Variants in EIF1AX observed in about 807,000 individuals in gnomAD.
The protein encoded by EIF1AX is eukaryotic translation initiation factor 1A X-linked.
A neutral mutation model predicts 16.1 loss-of-function variants in EIF1AX; 1 was observed. The ratio of observed to expected loss-of-function variants is 0.06; its 90% CI spans 0.02 to 0.30. The LOEUF is 0.30. Ranked by LOEUF, EIF1AX falls within the 10% of genes least tolerant of loss-of-function variation. EIF1AX has a pLI of 1.00. For missense variants in EIF1AX, 11 were observed against 109.1 expected, an observed-to-expected ratio of 0.10 and a Z score of 4.00; for synonymous variants, 32 against 37.3, an observed-to-expected ratio of 0.86 and a Z score of 0.51.
intron 4 of EIF1AX, among the ~76,000 whole-genome samples, chrX:20,133,444 G>A (rs1471482593): frequency 9.0e-6 from 1 of 110,535 alleles, no homozygotes; most frequent in Non-Finnish European, 1.9e-5. Context: ...AATGTCCCTC[G>A]GAGGGCAAAA....
intron 2 of EIF1AX, 190 bp from the exon 3 acceptor site, chrX:20,136,031 T>A (rs767213109): frequency 4.5e-5 from 18 of 401,406 alleles, no homozygotes; most frequent in African/African-American, 7.7e-5. Context: ...GAACTAAGAC[T>A]CTATGATGAC....
intron 2 of EIF1AX, 97 bp downstream of exon 2, chrX:20,138,442 C>T (rs887413946): frequency 5.6e-6 from 4 of 713,294 alleles, no homozygotes; most frequent in Non-Finnish European, 8.8e-6. Flanking sequence ...ACACTTCACC[C>T]TGGGCGATGG....
At chrX:20,141,270 G>C (rs1047834479) in intron 1 of EIF1AX, among the ~76,000 whole-genome samples, 2 of 111,683 alleles carry the variant, frequency 1.8e-5, no homozygotes, top group African/African-American at 6.5e-5. Flanking sequence ...TCATGCCCGG[G>C]AAGGCCAAAG....
intron 1 of EIF1AX, 26 bp downstream of exon 1, chrX:20,141,599 T>G: frequency 8.7e-7 from 1 of 1,152,461 alleles, no homozygotes; most frequent in Non-Finnish European, 1.2e-6. Context: ...AGCAGAGCCG[T>G]GGTCCGGGGG....
chrX:20,136,976 TG>T (rs199855256), intron 2 of EIF1AX, among the ~76,000 whole-genome samples: 1,322 of 111,497 alleles, frequency 0.012, 25 homozygotes, highest in African/African-American at 0.041. Flanking sequence ...TGGAAATAAT[TG>T]GAATACCTGA....
rs1722212197 is a variant in EIF1AX, at chrX:20,132,278, A to G, written c.256-15T>C. The G allele has an allele frequency of 9.3e-7, 1 of 1,073,548 alleles. No homozygotes were observed. The highest frequency in any genetic ancestry group is 1.3e-6 in the Non-Finnish European group (1 of 781,921). 88.5% of individuals were successfully genotyped at this position (1,073,548 alleles called of 1,213,427 possible). ...GCTTTGTTATCCTTAAATAGAGACA[A>G]ATAACTTTAAAAAACTGATCATAAC... is the stretch of plus-strand genomic sequence containing the variant. On this transcript the variant is annotated splice_polypyrimidine_tract_variant and intron_variant, in intron 4 of 6. Coordinates refer to ENST00000379607, the MANE Select transcript of EIF1AX (RefSeq NM_001412.4).
At chrX:20,130,001 A>G (rs771578633) in intron 6 of EIF1AX, among the ~76,000 whole-genome samples, 8 of 111,667 alleles carry the variant, frequency 7.2e-5, no homozygotes, top group South Asian at 3.8e-4. Flanking sequence ...GAAGAGGGTT[A>G]TAAGAATTCT....
At chrX:20,141,156 C>A (rs2067032762) in intron 1 of EIF1AX, among the ~76,000 whole-genome samples, 1 of 111,789 alleles carries the variant, frequency 8.9e-6, no homozygotes, top group Non-Finnish European at 1.9e-5. Context: ...GTAGCCTCAA[C>A]AATACTGAAC....
intron 1 of EIF1AX, among the ~76,000 whole-genome samples, chrX:20,141,170 C>T (rs2067032814): frequency 9.0e-6 from 1 of 111,602 alleles, no homozygotes; most frequent in African/African-American, 3.3e-5. Flanking sequence ...ACTGAACTGT[C>T]CATAAAGAAA....
intron 5 of EIF1AX, among the ~76,000 whole-genome samples, chrX:20,131,684 T>G (rs1465862945): frequency 3.7e-5 from 4 of 107,090 alleles, no homozygotes; most frequent in Non-Finnish European, 7.7e-5. Context: ...TCATGGTTTT[T>G]TTTTTTTTTT....
At chrX:20,134,581 T>C (rs1436555825) in intron 3 of EIF1AX, among the ~76,000 whole-genome samples, 1 of 108,817 alleles carries the variant, frequency 9.2e-6, no homozygotes, top group Non-Finnish European at 1.9e-5. Context: ...TTACTAAAAA[T>C]ACAAAAATTA....
At chrX:20,132,337 T>C (rs1209803270) in intron 4 of EIF1AX, 74 bp from the exon 5 acceptor site, 4 of 660,879 alleles carry the variant, frequency 6.1e-6, no homozygotes, top group East Asian at 3.5e-5. Flanking sequence ...AATTCTCATA[T>C]TGAATAAACA....
intron 2 of EIF1AX, chrX:20,136,157 G>C: frequency 7.0e-6 from 2 of 284,266 alleles, no homozygotes; most frequent in Non-Finnish European, 1.3e-5. Flanking sequence ...GGCTTTCATA[G>C]ACATACATAT....
chrX:20,135,738 C>T lies in EIF1AX; in HGVS notation c.204G>A (p.Lys68=). The change falls in exon 3 of 7, where the codon AAG becomes AAA. Residue 68 remains lysine (K), a splice_region_variant and synonymous_variant. Coordinates refer to ENST00000379607, the MANE Select transcript of EIF1AX (RefSeq NM_001412.4). ...TTAAAGTAAAACAAATCACACCTAC[C>T]TTTTTTCTCAATTTTCCTCTGATGT... ...LCHIRGKLRK[K]VWINTSDIIL... 8.5e-7 allele frequency: 1 copy of T among 1,183,324 alleles called. No homozygotes were observed. The highest frequency in any genetic ancestry group is 1.7e-5 in the African/African-American group (1 of 57,179).
In EIF1AX at chrX:20,132,265, TTAAA is replaced by T. The variant is rs893782609; in HGVS notation, c.256-6_256-3del. 5.2e-6 allele frequency: 6 copies of T among 1,145,138 alleles called. No individual in the cohort carries two copies. The highest frequency in any genetic ancestry group is 5.9e-6 in the Non-Finnish European group (5 of 844,397). 94.4% of individuals were successfully genotyped at this position (1,145,138 alleles called of 1,213,427 possible). A position where few individuals can be genotyped will look rare whatever the true frequency, so the allele number is the denominator to read the frequency against. ...TAAAATTACATCAGCTTTGTTATCCTTAAATAGAGACAAATAACTTTAAAAAACT... is the reference window on the plus strand; with the variant it reads ...TAAAATTACATCAGCTTTGTTATCCTTAGAGACAAATAACTTTAAAAAACT... On this transcript the variant is annotated splice_region_variant and splice_polypyrimidine_tract_variant and intron_variant, in intron 4 of 6. Transcript: ENST00000379607.
intron 4 of EIF1AX, among the ~76,000 whole-genome samples, chrX:20,132,956 G>A (rs2148607589): frequency 8.9e-6 from 1 of 112,088 alleles, no homozygotes; most frequent in Admixed American, 9.5e-5. Context: ...TTCTTAAAAT[G>A]TAAAGTGTAT....
chrX:20,128,408 T>C, intron 6 of EIF1AX, 97 bp from the exon 7 acceptor site: 1 of 692,281 alleles, frequency 1.4e-6, no homozygotes, highest in Non-Finnish European at 2.1e-6. Context: ...CCTTAGGCTA[T>C]GTGAGAAACA....
intron 1 of EIF1AX, among the ~76,000 whole-genome samples, chrX:20,141,153 C>T (rs2067032756): frequency 9.0e-6 from 1 of 111,690 alleles, no homozygotes; most frequent in South Asian, 3.7e-4. Context: ...CGAGTAGCCT[C>T]AACAATACTG....
Position 20,132,214 on chromosome X carries a change from C to T in EIF1AX, c.305G>A (p.Ser102Asn). 8.3e-7 allele frequency: 1 copy of T among 1,205,961 alleles called. No individual in the cohort carries two copies. Among genetic ancestry groups the T allele is most frequent in the Non-Finnish European group, 1.1e-6 (1 of 892,574 alleles). The change falls in exon 5 of 7, where the codon AGT (serine) becomes AAT (asparagine). Residue 102 changes from serine (S) to asparagine (N), a missense_variant. Coordinates refer to ENST00000379607, the MANE Select transcript of EIF1AX (RefSeq NM_001412.4). ...TGGAAGCTCGCCGTATGCCTTCAGA[C>T]TTCTAGCTTCGTCTGCATTGTATTT... ...ILKYNADEAR[S>N]LKAYGELPEH...
Sources: allele counts gnomAD v4.1 joint callset (sites outside exome capture counted in the v4.1 genomes callset), GRCh38; gene constraint gnomAD v4.1.1; transcripts MANE v1.5; gene names NCBI Gene and HGNC (gene_info 2026-07-23, HGNC 2026-07-21).